The following FGF12 variants were observed in gnomAD, a reference collection of about 807,000 sequenced individuals.
FGF12 encodes the protein fibroblast growth factor 12B.
A neutral mutation model predicts 23.6 loss-of-function variants in FGF12; 14 were observed. That is an observed-to-expected ratio of 0.59 (90% CI 0.39 to 0.93). The LOEUF is 0.93. Among genes scored for constraint, FGF12 ranks in the 40% least tolerant of loss-of-function variants. The pLI is 0.00. For synonymous variants in FGF12, 62 were observed against 77.3 expected, an observed-to-expected ratio of 0.80 and a Z score of 1.04; for missense variants, 175 against 217.8, an observed-to-expected ratio of 0.80 and a Z score of 1.24.
At chr3:192,509,502 G>A (rs541091655) in intron 2 of FGF12, among the ~76,000 whole-genome samples, 1 of 152,156 alleles carries the variant, frequency 6.6e-6, no homozygotes, top group African/African-American at 2.4e-5. Context: ...AGATGTGATC[G>A]GGAGCCTCAA....
At chr3:192,473,429 T>C (rs1723228883) in intron 2 of FGF12, among the ~76,000 whole-genome samples, 1 of 152,200 alleles carries the variant, frequency 6.6e-6, no homozygotes, top group Non-Finnish European at 1.5e-5. Context: ...AAAGGCTGTA[T>C]ACATGGCTGG....
In FGF12 at chr3:192,637,005, A is replaced by G. The variant is rs540426442; in HGVS notation, c.13+90176T>C. ...CCTGCACAGAATTACCTGACAATCC[A>G]CCTTAGCCTGATTATCATAGGCTGT... On this transcript the variant is annotated intron_variant, in intron 2 of 5. Coordinates refer to ENST00000445105, the MANE Select transcript of FGF12 (RefSeq NM_004113.6). Among the ~76,000 whole-genome samples, 10 of 152,270 alleles carry G rather than the reference A, an allele frequency of 6.6e-5. No individual in the cohort carries two copies. In the South Asian group the frequency reaches 2.1e-3, roughly 32 times the overall value.
At chr3:192,263,376 C>T (rs1294050914) in intron 4 of FGF12, among the ~76,000 whole-genome samples, 2 of 152,048 alleles carry the variant, frequency 1.3e-5, no homozygotes, top group South Asian at 4.1e-4. Context: ...TTAATCCCAT[C>T]AATGTCCCAT....
intron 4 of FGF12, among the ~76,000 whole-genome samples, chr3:192,208,856 T>G (rs920972191): frequency 2.0e-5 from 3 of 152,350 alleles, no homozygotes; most frequent in Non-Finnish European, 4.4e-5. Context: ...ACTTAGCTAC[T>G]GTCTATAAGT....
At chr3:192,531,794 T>G (rs1725095459) in intron 2 of FGF12, among the ~76,000 whole-genome samples, 1 of 152,202 alleles carries the variant, frequency 6.6e-6, no homozygotes, top group African/African-American at 2.4e-5. Flanking sequence ...ACACCTTGAG[T>G]TGAGGAATAT....
intron 5 of FGF12, among the ~76,000 whole-genome samples, chr3:192,167,770 A>T (rs9291018): frequency 0.098 from 881 of 8,990 alleles, 115 homozygotes; most frequent in African/African-American, 0.15. Context: ...TATATATATA[A>T]AATTTTTTTT....
At position 192,211,706 on chromosome 3, in the gene FGF12, T is replaced by C. The variant is rs562616508; in HGVS notation, c.229-41050A>G. 7.2e-5 allele frequency among the ~76,000 whole-genome samples: 11 copies of C among 152,240 alleles called. No individual in the cohort carries two copies. The South Asian group carries it at 2.3e-3, about 32-fold the overall frequency. ...CCTCCCAAAGTGCTGGGATTACAGG[T>C]GTGAGCCACCGTGACTGGCCTTTAT... On this transcript the variant is annotated intron_variant, in intron 4 of 5. Transcript: ENST00000445105.
intron 2 of FGF12, among the ~76,000 whole-genome samples, chr3:192,640,894 C>T (rs1448448218): frequency 6.6e-6 from 1 of 151,794 alleles, no homozygotes; most frequent in Non-Finnish European, 1.5e-5. Flanking sequence ...CTCACTGCCC[C>T]CTCAATCTCC....
At chr3:192,682,176 T>A (rs893686448) in intron 2 of FGF12, among the ~76,000 whole-genome samples, 7 of 152,126 alleles carry the variant, frequency 4.6e-5, no homozygotes, top group African/African-American at 1.4e-4. Context: ...CCAGCAGTGG[T>A]CTAAAGAACC....
At chr3:192,709,706 G>C (rs1228885366) in intron 2 of FGF12, among the ~76,000 whole-genome samples, 1 of 152,322 alleles carries the variant, frequency 6.6e-6, no homozygotes, top group East Asian at 1.9e-4. Flanking sequence ...CCAGGGGATT[G>C]TTCTGGAAAA....
At chr3:192,313,138 A>G in intron 4 of FGF12, among the ~76,000 whole-genome samples, 1 of 152,290 alleles carries the variant, frequency 6.6e-6, no homozygotes, top group East Asian at 1.9e-4. Context: ...CTTTCATAGC[A>G]CTAATCCTAA....
At chr3:192,681,338 A>G (rs927166748) in intron 2 of FGF12, among the ~76,000 whole-genome samples, 1 of 152,234 alleles carries the variant, frequency 6.6e-6, no homozygotes, top group Non-Finnish European at 1.5e-5. Flanking sequence ...CTGAGTGCCT[A>G]TGTAGATTGT....
chr3:192,164,554 G>C (rs1291189309), intron 5 of FGF12, among the ~76,000 whole-genome samples: 1 of 152,042 alleles, frequency 6.6e-6, no homozygotes, highest in Non-Finnish European at 1.5e-5. Flanking sequence ...ACATTCAAAA[G>C]ACAACACCAG....
intron 2 of FGF12, among the ~76,000 whole-genome samples, chr3:192,661,260 G>A (rs1306060450): frequency 2.0e-5 from 3 of 152,206 alleles, no homozygotes; most frequent in Non-Finnish European, 4.4e-5. Context: ...TGTGGCTCAC[G>A]CCTGCAATTC....
chr3:192,554,370 A>T (rs577543762), intron 2 of FGF12, among the ~76,000 whole-genome samples: 1 of 152,336 alleles, frequency 6.6e-6, no homozygotes, highest in East Asian at 1.9e-4. Flanking sequence ...CTGAGAGCAA[A>T]AGAGAGCTAG....
chr3:192,295,781 C>T (rs950550732), intron 4 of FGF12, among the ~76,000 whole-genome samples: 1 of 152,162 alleles, frequency 6.6e-6, no homozygotes, highest in Non-Finnish European at 1.5e-5. Flanking sequence ...TTGGTATAGA[C>T]TATTTTTATC....
In FGF12 at chr3:192,640,552, G is replaced by A. The variant is rs185923546; in HGVS notation, c.13+86629C>T. Among the ~76,000 whole-genome samples, 173 of 152,204 alleles carry A rather than the reference G, an allele frequency of 1.1e-3. 1 individual carries two copies. Among genetic ancestry groups the A allele is most frequent in the African/African-American group, 3.7e-3 (154 of 41,538 alleles). ...TAAGAGGTCATAGAATGGTACCTCC[G>A]TTATTTTATAGGAGGAAAAGTGAGG... On this transcript the variant is annotated intron_variant, in intron 2 of 5. Transcript: ENST00000445105.
intron 4 of FGF12, among the ~76,000 whole-genome samples, chr3:192,320,448 C>A (rs1716476229): frequency 1.3e-5 from 2 of 152,118 alleles, no homozygotes; most frequent in South Asian, 4.1e-4. Flanking sequence ...ACTTAATCTG[C>A]ACTATAGATC....
chr3:192,506,034 T>C (rs1355944966), intron 2 of FGF12, among the ~76,000 whole-genome samples: 1 of 152,232 alleles, frequency 6.6e-6, no homozygotes, highest in African/African-American at 2.4e-5. Flanking sequence ...GGGTGGAGGC[T>C]TAATATTAAG....
Sources: gnomAD v4.1 joint callset for allele counts (sites outside exome capture counted in the v4.1 genomes callset) on GRCh38, gnomAD v4.1.1 for gene constraint, MANE v1.5 for transcripts, NCBI Gene and HGNC (gene_info 2026-07-23, HGNC 2026-07-21) for gene names.